NOL4: variants seen among roughly 807,000 people sequenced by gnomAD.
NOL4 encodes nucleolar protein 4.
Under a neutral mutation model 75.9 loss-of-function variants are expected in NOL4, and 17 were observed. The observed-to-expected ratio is 0.22, with a 90% CI of 0.15 to 0.34. NOL4 has a LOEUF of 0.34. Among genes scored for constraint, NOL4 ranks in the 10% least tolerant of loss-of-function variants. NOL4 has a pLI of 1.00. For missense variants in NOL4, 614 were observed against 793.5 expected (o/e 0.77, Z 2.72); for synonymous variants, 292 against 289.9 (o/e 1.01, Z -0.07).
chr18:34,151,760 CA>C (rs1056978987), intron 1 of NOL4, among the ~76,000 whole-genome samples: 1 of 151,740 alleles, frequency 6.6e-6, no homozygotes, highest in African/African-American at 2.4e-5. Flanking sequence ...CACTTTGGTG[CA>C]GGATGTTGAT....
At chr18:33,960,983 T>C (rs2070070021) in intron 6 of NOL4, among the ~76,000 whole-genome samples, 2 of 152,090 alleles carry the variant, frequency 1.3e-5, no homozygotes, top group African/African-American at 4.8e-5. Context: ...GTATTTTATA[T>C]GGGCTGGAGC....
intron 9 of NOL4, among the ~76,000 whole-genome samples, chr18:33,928,861 T>C (rs981276772): frequency 4.0e-5 from 6 of 151,606 alleles, no homozygotes; most frequent in African/African-American, 1.4e-4. Flanking sequence ...TAATGTGGCA[T>C]GGAAGAATAG....
At chr18:33,950,201 T>C (rs954961262) in intron 8 of NOL4, among the ~76,000 whole-genome samples, 12 of 151,852 alleles carry the variant, frequency 7.9e-5, no homozygotes, top group African/African-American at 2.7e-4. Flanking sequence ...TCTTGGCCTT[T>C]TGGTTAAGAT....
At chr18:34,059,130 T>C (rs1223093289) in intron 5 of NOL4, among the ~76,000 whole-genome samples, 6 of 89,446 alleles carry the variant, frequency 6.7e-5, no homozygotes, top group Non-Finnish European at 1.1e-4. Context: ...TACATATATA[T>C]ATATATATAT....
chr18:33,987,722 C>A (rs542081959), intron 6 of NOL4, among the ~76,000 whole-genome samples: 4 of 152,100 alleles, frequency 2.6e-5, no homozygotes, highest in African/African-American at 9.6e-5. Flanking sequence ...GGATTTATTC[C>A]TAGGTCTCCT....
chr18:34,210,660 T>C (rs921308117), intron 1 of NOL4, among the ~76,000 whole-genome samples: 39 of 152,288 alleles, frequency 2.6e-4, no homozygotes, highest in East Asian at 1.2e-3. Context: ...AAAAGAGCTT[T>C]TAGTAAGTTT....
chr18:34,208,297 C>A (rs887837321), intron 1 of NOL4, among the ~76,000 whole-genome samples: 1 of 152,140 alleles, frequency 6.6e-6, no homozygotes, highest in East Asian at 1.9e-4. Flanking sequence ...GTGAGCTTAA[C>A]CAGCACTGGA....
chr18:34,168,515 A>C (rs1022769155), intron 1 of NOL4, among the ~76,000 whole-genome samples: 1 of 151,522 alleles, frequency 6.6e-6, no homozygotes, highest in Non-Finnish European at 1.5e-5. Context: ...AACGAAAAAA[A>C]CTAGTAAATT....
chr18:34,085,359 A>G (rs1364503791), intron 5 of NOL4, among the ~76,000 whole-genome samples: 1 of 152,202 alleles, frequency 6.6e-6, no homozygotes, highest in Non-Finnish European at 1.5e-5. Flanking sequence ...ATGGACTGGC[A>G]AACACTGTCA....
At chr18:34,171,984 T>G (rs2146270115) in intron 1 of NOL4, among the ~76,000 whole-genome samples, 1 of 152,144 alleles carries the variant, frequency 6.6e-6, no homozygotes, top group East Asian at 1.9e-4. Context: ...CAATGAAGCC[T>G]TGCCTGTACA....
At chr18:33,930,486 A>T (rs1305422329) in intron 9 of NOL4, among the ~76,000 whole-genome samples, 2 of 152,112 alleles carry the variant, frequency 1.3e-5, no homozygotes, top group Admixed American at 6.6e-5. Context: ...TTTCCTACAT[A>T]GGGAAAAAGT....
intron 1 of NOL4, among the ~76,000 whole-genome samples, chr18:34,176,869 C>CT (rs2033598360): frequency 6.6e-6 from 1 of 151,980 alleles, no homozygotes; most frequent in South Asian, 2.1e-4. Flanking sequence ...TGCTAAGCTA[C>CT]CTATATACAT....
intron 1 of NOL4, among the ~76,000 whole-genome samples, chr18:34,173,992 TA>T (rs2033302661): frequency 6.6e-6 from 1 of 152,164 alleles, no homozygotes; most frequent in African/African-American, 2.4e-5. Flanking sequence ...TGATTCTGAT[TA>T]ATTATTTCAA....
intron 10 of NOL4, among the ~76,000 whole-genome samples, chr18:33,881,605 A>G (rs2064277963): frequency 6.6e-6 from 1 of 151,720 alleles, no homozygotes; most frequent in South Asian, 2.1e-4. Flanking sequence ...GGAAGAATCA[A>G]TATCGTGAAA....
At chr18:34,004,552 C>A (rs116566662) in intron 6 of NOL4, among the ~76,000 whole-genome samples, 1 of 151,960 alleles carries the variant, frequency 6.6e-6, no homozygotes, top group Non-Finnish European at 1.5e-5. Flanking sequence ...TAACATTTTA[C>A]TCAGGGCTTA....
At chr18:34,053,624 C>T (rs976709168) in intron 5 of NOL4, among the ~76,000 whole-genome samples, 9 of 151,850 alleles carry the variant, frequency 5.9e-5, no homozygotes, top group African/African-American at 1.9e-4. Context: ...ATTTTTCATA[C>T]ATAATGTCCA....
chr18:34,117,404 G>A (rs1415130368), intron 2 of NOL4, among the ~76,000 whole-genome samples: 1 of 152,068 alleles, frequency 6.6e-6, no homozygotes, highest in Non-Finnish European at 1.5e-5. Flanking sequence ...TAAAGAGCTG[G>A]GATATTAACC....
chr18:34,198,157 A>C (rs554483250), intron 1 of NOL4, among the ~76,000 whole-genome samples: 1 of 152,020 alleles, frequency 6.6e-6, no homozygotes, highest in African/African-American at 2.4e-5. Context: ...AAACAACTTG[A>C]ATTTTTGTGG....
intron 8 of NOL4, among the ~76,000 whole-genome samples, chr18:33,952,484 A>G (rs985621519): frequency 1.3e-5 from 2 of 152,214 alleles, no homozygotes; most frequent in Non-Finnish European, 2.9e-5. Flanking sequence ...ATATACATAC[A>G]TGATCACATA....
Sources: allele counts gnomAD v4.1 joint callset (sites outside exome capture counted in the v4.1 genomes callset), GRCh38; gene constraint gnomAD v4.1.1; transcripts MANE v1.5; gene names NCBI Gene and HGNC (gene_info 2026-07-23, HGNC 2026-07-21).